The following ATF2 variants were observed in gnomAD, a reference collection of about 807,000 sequenced individuals.
ATF2 encodes cyclic AMP-dependent transcription factor ATF-2.
Under a neutral mutation model 60.6 loss-of-function variants are expected in ATF2, and 24 were observed. The observed-to-expected ratio is 0.40, with a 90% CI of 0.29 to 0.56. The LOEUF (loss-of-function observed/expected upper bound fraction) is 0.56. ATF2 is among the 20% of genes least tolerant of loss of function. The pLI, the probability that ATF2 is intolerant of heterozygous loss-of-function variation, is 0.54. For synonymous variants in ATF2, 206 were observed against 215.4 expected (o/e 0.96, Z 0.38); for missense variants, 433 against 607.7 (o/e 0.71, Z 3.02).
intron 10 of ATF2, among the ~76,000 whole-genome samples, chr2:175,097,834 A>G (rs1695039791): frequency 6.6e-6 from 1 of 152,150 alleles, no homozygotes; most frequent in African/African-American, 2.4e-5. Flanking sequence ...ACAGAGATCA[A>G]ATGGGCCCAA....
chr2:175,092,140 G>C (rs1694595815), intron 12 of ATF2, among the ~76,000 whole-genome samples: 1 of 152,138 alleles, frequency 6.6e-6, no homozygotes, highest in South Asian at 2.1e-4. Flanking sequence ...TGCTATGTCT[G>C]ATGCTAAAAA....
intron 7 of ATF2, among the ~76,000 whole-genome samples, chr2:175,115,123 A>G (rs901844803): frequency 6.6e-6 from 1 of 152,016 alleles, no homozygotes; most frequent in Non-Finnish European, 1.5e-5. Flanking sequence ...CAATCCAGAA[A>G]TAAGTTAGAC....
chr2:175,129,220 A>G (rs1381515103), intron 4 of ATF2, among the ~76,000 whole-genome samples: 1 of 152,180 alleles, frequency 6.6e-6, no homozygotes, highest in African/African-American at 2.4e-5. Flanking sequence ...AAACATACAT[A>G]CTATATGATT....
intron 2 of ATF2, among the ~76,000 whole-genome samples, chr2:175,141,030 A>AAAAAT (rs1698491252): frequency 2.4e-4 from 9 of 37,608 alleles, no homozygotes; most frequent in Admixed American, 9.7e-4. Context: ...AAAAAAAAAA[A>AAAAAT]ATATATATAT....
chr2:175,126,472 A>G (rs931187159), intron 4 of ATF2, among the ~76,000 whole-genome samples: 1 of 152,150 alleles, frequency 6.6e-6, no homozygotes, highest in African/African-American at 2.4e-5. Context: ...AAGTGGAGGT[A>G]GAAAGTATGC....
rs553756656 is a variant in ATF2 at position 175,114,932 on chromosome 2, A to G, written c.448-64T>C. ...ATACAAATCATGTACCTTAGTGAACAGAATGTAACACACTTCTAAAAGCAT... is the reference window on the plus strand; with the variant it reads ...ATACAAATCATGTACCTTAGTGAACGGAATGTAACACACTTCTAAAAGCAT... On this transcript the variant is annotated intron_variant, in intron 7 of 13. Coordinates refer to ENST00000264110, the MANE Select transcript of ATF2 (RefSeq NM_001880.4). The G allele has an allele frequency of 5.3e-6, 8 of 1,496,246 alleles. No individual in the cohort carries two copies. The Admixed American group carries it at 5.5e-5, about 10-fold the overall frequency. 92.7% of individuals were successfully genotyped at this position (1,496,246 alleles called of 1,614,324 possible). A position where few individuals can be genotyped will look rare whatever the true frequency, so the allele number is the denominator to read the frequency against.
chr2:175,140,182 T>TA lies in ATF2; in HGVS notation c.-43-3697dup, dbSNP rs372105966. Among the ~76,000 whole-genome samples the TA allele has an allele frequency of 4.6e-4, 69 of 150,204 alleles. 1 individual carries two copies. The East Asian group carries it at 5.8e-3, about 13-fold the overall frequency. ...GAATGTTTACAATGCCTTGTGGGTT[T>TA]AAAAAAAAAATCAGCTAGGCGAAAA... On this transcript the variant is annotated intron_variant, in intron 2 of 13. Transcript: ENST00000264110.
At chr2:175,121,965 A>G (rs1353055046) in intron 4 of ATF2, among the ~76,000 whole-genome samples, 1 of 151,902 alleles carries the variant, frequency 6.6e-6, no homozygotes, top group Non-Finnish European at 1.5e-5. Flanking sequence ...ACCACTTTTT[A>G]AAAGAGAATT....
intron 2 of ATF2, among the ~76,000 whole-genome samples, chr2:175,150,237 G>A (rs923206417): frequency 4.6e-5 from 7 of 151,968 alleles, no homozygotes; most frequent in African/African-American, 1.7e-4. Context: ...GTCAAAATTA[G>A]AATAACTATA....
chr2:175,166,790 T>C (rs996446357), intron 1 of ATF2, among the ~76,000 whole-genome samples: 2 of 152,184 alleles, frequency 1.3e-5, no homozygotes, highest in African/African-American at 4.8e-5. Flanking sequence ...AGAAAGTCAG[T>C]TTTTGTTCTG....
chr2:175,092,670 TA>T (rs1412817338), intron 12 of ATF2: 1 of 405,930 alleles, frequency 2.5e-6, no homozygotes, highest in Non-Finnish European at 4.9e-6. Flanking sequence ...TGAAATAATT[TA>T]AAAATAAAAA....
chr2:175,113,736 C>G (rs1465057916), intron 9 of ATF2, among the ~76,000 whole-genome samples: 2 of 151,310 alleles, frequency 1.3e-5, no homozygotes, highest in East Asian at 3.9e-4. Flanking sequence ...TATTTGAATG[C>G]TACAAGTCCA....
At chr2:175,156,205 T>C (rs756562014) in intron 1 of ATF2, among the ~76,000 whole-genome samples, 1 of 151,738 alleles carries the variant, frequency 6.6e-6, no homozygotes, top group Non-Finnish European at 1.5e-5. Context: ...ACCCCATCTC[T>C]ACTAAAAATA....
intron 1 of ATF2, among the ~76,000 whole-genome samples, chr2:175,152,808 T>C (rs1273437831): frequency 1.3e-5 from 2 of 152,318 alleles, no homozygotes; most frequent in South Asian, 2.1e-4. Flanking sequence ...TATTCAGCCA[T>C]ACAAATGTAA....
intron 1 of ATF2, among the ~76,000 whole-genome samples, chr2:175,158,234 ATTTTTTT>A (rs34664149): frequency 9.0e-5 from 12 of 132,712 alleles, no homozygotes; most frequent in African/African-American, 3.1e-4. Context: ...TGAATTCAGG[ATTTTTTT>A]TTTTTTTTTT....
intron 1 of ATF2, among the ~76,000 whole-genome samples, chr2:175,157,519 C>A (rs1321843811): frequency 1.3e-5 from 2 of 152,130 alleles, no homozygotes; most frequent in African/African-American, 4.8e-5. Context: ...GCGACTCTTA[C>A]CAATTAAACA....
At chr2:175,085,547 A>G (rs1050716109) in intron 12 of ATF2, among the ~76,000 whole-genome samples, 3 of 110,202 alleles carry the variant, frequency 2.7e-5, no homozygotes, top group Non-Finnish European at 5.4e-5. Flanking sequence ...AAATAAATAC[A>G]TAACATACAC....
intron 3 of ATF2, among the ~76,000 whole-genome samples, chr2:175,130,770 T>C (rs1034222756): frequency 1.3e-5 from 2 of 152,168 alleles, no homozygotes; most frequent in African/African-American, 4.8e-5. Flanking sequence ...GAGAAATGGA[T>C]CCCAGCCTCA....
intron 12 of ATF2, among the ~76,000 whole-genome samples, chr2:175,084,755 A>G (rs1430845909): frequency 1.3e-5 from 2 of 151,618 alleles, no homozygotes; most frequent in African/African-American, 4.8e-5. Context: ...GATCTCTTCC[A>G]TAGTACTTAT....
Sources: gnomAD v4.1 joint callset for allele counts (sites outside exome capture counted in the v4.1 genomes callset) on GRCh38, gnomAD v4.1.1 for gene constraint, MANE v1.5 for transcripts, NCBI Gene and HGNC (gene_info 2026-07-23, HGNC 2026-07-21) for gene names.